Variants in CAMK1D observed in about 807,000 individuals in gnomAD.
CAMK1D encodes the protein calcium/calmodulin dependent protein kinase ID, also known as calcium/calmodulin-dependent protein kinase type 1D.
CAMK1D carries 9 observed loss-of-function variants against 47.7 expected under a neutral mutation model. The ratio of observed to expected loss-of-function variants is 0.19; its 90% CI spans 0.11 to 0.33. The LOEUF is 0.33. CAMK1D is among the 10% of genes least tolerant of loss of function. The pLI, the probability that CAMK1D is intolerant of heterozygous loss-of-function variation, is 1.00. For synonymous variants in CAMK1D, 184 were observed against 184.9 expected, an observed-to-expected ratio of 0.99 and a Z score of 0.04; for missense variants, 291 against 488.7, an observed-to-expected ratio of 0.60 and a Z score of 3.81.
At chr10:12,614,624 G>A (rs1838726505) in intron 2 of CAMK1D, among the ~76,000 whole-genome samples, 1 of 152,128 alleles carries the variant, frequency 6.6e-6, no homozygotes, top group Non-Finnish European at 1.5e-5. Context: ...TGCCTTTCTT[G>A]CTGACTTTAT....
intron 1 of CAMK1D, among the ~76,000 whole-genome samples, chr10:12,488,369 C>G (rs1024854384): frequency 1.3e-5 from 2 of 152,014 alleles, no homozygotes; most frequent in Non-Finnish European, 2.9e-5. Flanking sequence ...GGGGTTGATT[C>G]CATGGATCAA....
intron 1 of CAMK1D, among the ~76,000 whole-genome samples, chr10:12,522,912 C>CG (rs1186430452): frequency 1.3e-5 from 1 of 78,386 alleles, no homozygotes; most frequent in Non-Finnish European, 2.7e-5. Flanking sequence ...GCTGGCCGGG[C>CG]GGGGGCTGAC....
intron 1 of CAMK1D, among the ~76,000 whole-genome samples, chr10:12,540,989 G>A (rs1588612579): frequency 6.7e-6 from 1 of 149,892 alleles, no homozygotes; most frequent in Non-Finnish European, 1.5e-5. Flanking sequence ...ATAAACAAAT[G>A]TATGGCTTAC....
At position 12,833,227 on chromosome 10, in the gene CAMK1D, T is replaced by G. The variant is rs1172710472; in HGVS notation, c.*4340T>G. On this transcript the variant is annotated 3_prime_UTR_variant, in exon 11 of 11. Transcript: ENST00000619168. ...CTACCCCGTACTCATCCCACTCATC[T>G]GTCTACCCTAGTGTCCATCATGCCC... 1.3e-5 allele frequency: 2 copies of G among 152,296 alleles called. No individual in the cohort carries two copies. The highest frequency in any genetic ancestry group is 3.9e-4 in the East Asian group (2 of 5,172). 9.4% of individuals were successfully genotyped at this position (152,296 alleles called of 1,614,324 possible).
At chr10:12,546,844 A>G (rs895049769) in intron 1 of CAMK1D, among the ~76,000 whole-genome samples, 1 of 152,000 alleles carries the variant, frequency 6.6e-6, no homozygotes, top group Non-Finnish European at 1.5e-5. Flanking sequence ...GCATTAGGAG[A>G]TATACCTAAT....
intron 1 of CAMK1D, among the ~76,000 whole-genome samples, chr10:12,499,487 T>C (rs184849692): frequency 6.6e-6 from 1 of 152,296 alleles, no homozygotes. Flanking sequence ...ATAAACACTT[T>C]GATGTGGTTG....
intron 2 of CAMK1D, among the ~76,000 whole-genome samples, chr10:12,665,257 A>G (rs1355444600): frequency 6.6e-6 from 1 of 152,262 alleles, no homozygotes; most frequent in Non-Finnish European, 1.5e-5. Flanking sequence ...TAGAATTCAA[A>G]GGAAAGCTTT....
At chr10:12,651,189 A>T (rs925724330) in intron 2 of CAMK1D, among the ~76,000 whole-genome samples, 9 of 152,132 alleles carry the variant, frequency 5.9e-5, no homozygotes, top group African/African-American at 2.2e-4. Context: ...TGAACTAAAC[A>T]GTAACGGCTT....
At chr10:12,803,469 G>A (rs1193263622) in intron 6 of CAMK1D, among the ~76,000 whole-genome samples, 1 of 152,068 alleles carries the variant, frequency 6.6e-6, no homozygotes, top group African/African-American at 2.4e-5. Context: ...GTCACTTGAG[G>A]TCAGGAGTTC....
chr10:12,591,796 T>A (rs1157850547), intron 2 of CAMK1D, among the ~76,000 whole-genome samples: 4 of 152,158 alleles, frequency 2.6e-5, no homozygotes, highest in Admixed American at 2.6e-4. Context: ...TGGGTTCTAG[T>A]GATTCTCCTG....
rs143446511 is a variant in CAMK1D, at chr10:12,571,534, C to T, written c.224+18178C>T. On this transcript the variant is annotated intron_variant, in intron 2 of 10. Coordinates refer to ENST00000619168, the MANE Select transcript of CAMK1D (RefSeq NM_153498.4). ...TGCAAACCCACTGAATCAGAATGTG[C>T]ATGGAAGCTGGATCCCCCGGTGATG... Among the ~76,000 whole-genome samples, 475 of 151,666 alleles carry T rather than the reference C, an allele frequency of 3.1e-3. 2 individuals are homozygous for T. The highest frequency in any genetic ancestry group is 4.8e-3 in the Non-Finnish European group (323 of 67,898).
chr10:12,814,458 C>T, intron 7 of CAMK1D, 151 bp downstream of exon 7: 1 of 537,848 alleles, frequency 1.9e-6, no homozygotes, highest in East Asian at 3.0e-5. Context: ...ATACCATAGA[C>T]TGGGTGGCTC....
rs1224780463 is a variant in CAMK1D, at chr10:12,421,463, C to T, written c.92+71553C>T. ...GCTGCTGTTTCAGTGTGGCTCTTGCCGTATTCCACTGTCTCCCTTGGTCAT... is the reference window on the plus strand; with the variant it reads ...GCTGCTGTTTCAGTGTGGCTCTTGCTGTATTCCACTGTCTCCCTTGGTCAT... On this transcript the variant is annotated intron_variant, in intron 1 of 10. Coordinates refer to ENST00000619168, the MANE Select transcript of CAMK1D (RefSeq NM_153498.4). Among the ~76,000 whole-genome samples the T allele has an allele frequency of 6.9e-5, 10 of 145,090 alleles. No homozygotes were observed. In the East Asian group the frequency reaches 1.6e-3, roughly 24 times the overall value.
chr10:12,608,145 A>G lies in CAMK1D; in HGVS notation c.224+54789A>G, dbSNP rs1463653925. On this transcript the variant is annotated intron_variant, in intron 2 of 10. Transcript: ENST00000619168. ...CATATTTACATGGTTTAGGCCAGGC[A>G]TGGTGGCTCGCGCCTGTAATCCCAG... Among the ~76,000 whole-genome samples the G allele has an allele frequency of 3.3e-5, 5 of 151,930 alleles. No homozygotes were observed. The East Asian group carries it at 9.8e-4, about 30-fold the overall frequency.
At chr10:12,746,772 C>T (rs909552663) in intron 3 of CAMK1D, among the ~76,000 whole-genome samples, 2 of 152,198 alleles carry the variant, frequency 1.3e-5, no homozygotes, top group Non-Finnish European at 2.9e-5. Context: ...GGAGGTGAGC[C>T]ACGCCACAGC....
chr10:12,563,694 AGAGAGG>A (rs763957750), intron 2 of CAMK1D, among the ~76,000 whole-genome samples: 1,131 of 64,366 alleles, frequency 0.018, 6 homozygotes, highest in Non-Finnish European at 0.027. Flanking sequence ...AGAGAGAGAG[AGAGAGG>A]GAGAGAGAGG....
rs118152971 is a variant in CAMK1D, at chr10:12,690,149, G to A, written c.299+23339G>A. On this transcript the variant is annotated intron_variant, in intron 3 of 10. Coordinates refer to ENST00000619168, the MANE Select transcript of CAMK1D (RefSeq NM_153498.4). ...GCTTCACTCAGGCCTTGTGTTGAAC[G>A]CCTGTCTCACATGACTGTAGACCTG... Among the ~76,000 whole-genome samples the A allele has an allele frequency of 1.7e-3, 262 of 152,234 alleles. 1 individual carries two copies. The highest frequency in any genetic ancestry group is 0.017 in the Middle Eastern group (5 of 294).
intron 8 of CAMK1D, among the ~76,000 whole-genome samples, chr10:12,824,248 T>C (rs994527507): frequency 9.9e-5 from 15 of 151,816 alleles, no homozygotes; most frequent in Admixed American, 7.2e-4. Flanking sequence ...GTGCGGAGTG[T>C]AGAAGCTGGA....
intron 3 of CAMK1D, among the ~76,000 whole-genome samples, chr10:12,747,342 G>C (rs1835731519): frequency 6.6e-6 from 1 of 152,148 alleles, no homozygotes; most frequent in Non-Finnish European, 1.5e-5. Context: ...GTCTCACTCT[G>C]TCACTCAGGC....
Sources: gnomAD v4.1 joint callset for allele counts (sites outside exome capture counted in the v4.1 genomes callset) on GRCh38, gnomAD v4.1.1 for gene constraint, MANE v1.5 for transcripts, NCBI Gene and HGNC (gene_info 2026-07-23, HGNC 2026-07-21) for gene names.